Variants in PRUNE2 observed in about 807,000 individuals in gnomAD.
PRUNE2 encodes prune homolog 2 with BCH domain, also known as protein prune homolog 2.
A neutral mutation model predicts 252.0 loss-of-function variants in PRUNE2; 164 were observed. That is an observed-to-expected ratio of 0.65 (90% confidence interval 0.57 to 0.74). The LOEUF is 0.74. Among genes scored for constraint, PRUNE2 ranks in the 30% least tolerant of loss-of-function variants. PRUNE2 has a pLI of 0.00. For synonymous variants in PRUNE2, 1,292 were observed against 1,350.2 expected, an observed-to-expected ratio of 0.96 and a Z score of 0.94; for missense variants, 3,495 against 3,711.0, an observed-to-expected ratio of 0.94 and a Z score of 1.51.
At chr9:76,818,017 T>A (rs1200156181) in intron 6 of PRUNE2, among the ~76,000 whole-genome samples, 1 of 152,152 alleles carries the variant, frequency 6.6e-6, no homozygotes, top group Non-Finnish European at 1.5e-5. Context: ...AATATGCAAA[T>A]CATATGCTCA....
intron 6 of PRUNE2, among the ~76,000 whole-genome samples, chr9:76,758,185 T>G (rs2051338831): frequency 6.6e-6 from 1 of 152,228 alleles, no homozygotes; most frequent in African/African-American, 2.4e-5. Flanking sequence ...TGTAAGCTTA[T>G]AGTATTTCTA....
intron 1 of PRUNE2, among the ~76,000 whole-genome samples, chr9:76,866,534 A>G (rs2060848371): frequency 6.6e-6 from 1 of 152,242 alleles, no homozygotes; most frequent in African/African-American, 2.4e-5. Context: ...ACAACAAGAC[A>G]TACGCCTGCC....
chr9:76,839,695 A>C (rs1237682204), intron 4 of PRUNE2, among the ~76,000 whole-genome samples: 1 of 152,200 alleles, frequency 6.6e-6, no homozygotes, highest in Non-Finnish European at 1.5e-5. Context: ...TCATGGCAAT[A>C]GGTTTTATGG....
chr9:76,647,716 G>A (rs1422283442), intron 11 of PRUNE2, among the ~76,000 whole-genome samples: 2 of 152,164 alleles, frequency 1.3e-5, no homozygotes. Flanking sequence ...TGTAATCCCA[G>A]CACTTTGGGA....
At chr9:76,735,419 C>CTTTTTT (rs34406993) in intron 6 of PRUNE2, among the ~76,000 whole-genome samples, 2 of 133,086 alleles carry the variant, frequency 1.5e-5, no homozygotes, top group Non-Finnish European at 1.6e-5. Flanking sequence ...TTTCTTTCTT[C>CTTTTTT]TTTTTTTTTT....
At chr9:76,898,361 C>G (rs866142543) in intron 1 of PRUNE2, among the ~76,000 whole-genome samples, 16 of 152,180 alleles carry the variant, frequency 1.1e-4, no homozygotes, top group African/African-American at 3.9e-4. Flanking sequence ...TCAGGGAGGT[C>G]AGCAATCATC....
At chr9:76,864,132 T>A (rs2060703558) in intron 1 of PRUNE2, among the ~76,000 whole-genome samples, 1 of 152,144 alleles carries the variant, frequency 6.6e-6, no homozygotes, top group South Asian at 2.1e-4. Flanking sequence ...CAAAATCAAG[T>A]CCTTTGCAGC....
intron 6 of PRUNE2, among the ~76,000 whole-genome samples, chr9:76,766,141 C>T (rs1420049086): frequency 6.6e-6 from 1 of 151,208 alleles, no homozygotes; most frequent in Non-Finnish European, 1.5e-5. Flanking sequence ...CAAGATTGCG[C>T]CACTGCACTC....
Position 76,748,950 on chromosome 9 carries a change from A to G in PRUNE2, c.757-35229T>C, listed in dbSNP as rs372071950. 1.1e-4 allele frequency among the ~76,000 whole-genome samples: 16 copies of G among 152,270 alleles called. No homozygotes were observed. The East Asian group carries it at 2.3e-3, about 22-fold the overall frequency. On this transcript the variant is annotated intron_variant, in intron 6 of 18. Transcript: ENST00000376718. ...GTGAGGCGGAGCAGGGACCCCTCTTAAGGGCTTGCCACCCACTCCCGACCT... is the reference window on the plus strand; with the variant it reads ...GTGAGGCGGAGCAGGGACCCCTCTTGAGGGCTTGCCACCCACTCCCGACCT...
At chr9:76,681,382 A>G (rs1339782650) in intron 9 of PRUNE2, among the ~76,000 whole-genome samples, 1 of 151,880 alleles carries the variant, frequency 6.6e-6, no homozygotes, top group African/African-American at 2.4e-5. Context: ...TGTACCTACC[A>G]TAACTGAACT....
At chr9:76,868,847 G>T (rs1339429241) in intron 1 of PRUNE2, 1 of 122,878 alleles carries the variant, frequency 8.1e-6, no homozygotes, top group East Asian at 3.0e-4. Context: ...TGGGGGGGGG[G>T]GCGGGGGGGA....
chr9:76,847,141 A>G (rs978343004), intron 3 of PRUNE2, among the ~76,000 whole-genome samples: 2 of 152,140 alleles, frequency 1.3e-5, no homozygotes, highest in African/African-American at 4.8e-5. Flanking sequence ...CCTGGCCAAC[A>G]TGGTGAAACC....
intron 10 of PRUNE2, among the ~76,000 whole-genome samples, chr9:76,655,143 A>C (rs1848721791): frequency 6.6e-6 from 1 of 152,156 alleles, no homozygotes; most frequent in Non-Finnish European, 1.5e-5. Flanking sequence ...ATTTGGTACA[A>C]TATACAGTAG....
chr9:76,764,172 AAGAC>A (rs2052060569), intron 6 of PRUNE2, among the ~76,000 whole-genome samples: 1 of 152,232 alleles, frequency 6.6e-6, no homozygotes, highest in Non-Finnish European at 1.5e-5. Context: ...AGGAGCCAAC[AAGAC>A]AGACATGTCA....
chr9:76,760,421 T>C (rs912484770), intron 6 of PRUNE2, among the ~76,000 whole-genome samples: 1 of 152,194 alleles, frequency 6.6e-6, no homozygotes, highest in Admixed American at 6.6e-5. Context: ...CCCATATCAG[T>C]ACCAAAGATT....
chr9:76,875,376 T>C (rs767725112), intron 1 of PRUNE2, among the ~76,000 whole-genome samples: 8 of 152,176 alleles, frequency 5.3e-5, no homozygotes, highest in Non-Finnish European at 1.0e-4. Context: ...TGTTTGTTTG[T>C]TTGTTTTTTG....
In PRUNE2 at chr9:76,774,450, C is replaced by CTTTTTTTATTTATTTATTTATTTTTTTTT. The variant is rs1564272256; in HGVS notation, c.756+49181_756+49182insAAAAAAAAATAAATAAATAAATAAAAAAA. The stretch of plus-strand genomic sequence containing the variant: ...ATCGTTCCTGGCCTCCAGTTCAACC[C>CTTTTTTTATTTATTTATTTATTTTTTTTT]TTTTTTTTTTTTTTTTTTTTTTTTT... On this transcript the variant is annotated intron_variant, in intron 6 of 18. Coordinates refer to ENST00000376718, the MANE Select transcript of PRUNE2 (RefSeq NM_015225.3). Among the ~76,000 whole-genome samples the CTTTTTTTATTTATTTATTTATTTTTTTTT allele has an allele frequency of 2.7e-4, 11 of 41,402 alleles. 1 individual carries two copies. Among genetic ancestry groups the CTTTTTTTATTTATTTATTTATTTTTTTTT allele is most frequent in the African/African-American group, 7.6e-4 (4 of 5,286 alleles). The allele number at this position is 41,402 out of a possible 152,430, so 27.2% of individuals were successfully genotyped here.
intron 1 of PRUNE2, among the ~76,000 whole-genome samples, chr9:76,880,772 C>A (rs190321297): frequency 1.0e-3 from 152 of 152,190 alleles, no homozygotes; most frequent in African/African-American, 3.5e-3. Flanking sequence ...CTGCTGCTCA[C>A]TAAGATGTAT....
intron 10 of PRUNE2, among the ~76,000 whole-genome samples, chr9:76,653,435 C>CAAAGT (rs940616021): frequency 1.3e-5 from 2 of 152,018 alleles, no homozygotes; most frequent in African/African-American, 4.8e-5. Flanking sequence ...ATACCTAATA[C>CAAAGT]AAAGTAAATA....
Sources: allele counts gnomAD v4.1 joint callset (sites outside exome capture counted in the v4.1 genomes callset), GRCh38; gene constraint gnomAD v4.1.1; transcripts MANE v1.5; gene names NCBI Gene and HGNC (gene_info 2026-07-23, HGNC 2026-07-21).